Variants in CNTNAP2 observed in about 807,000 individuals in gnomAD.
CNTNAP2 encodes the protein contactin-associated protein-like 2.
CNTNAP2 carries 98 observed loss-of-function variants against 155.2 expected under a neutral mutation model. The ratio of observed to expected loss-of-function variants is 0.63; its 90% confidence interval spans 0.54 to 0.75. The LOEUF (loss-of-function observed/expected upper bound fraction) is 0.75, where lower values mean the gene tolerates loss of function less well. Ranked by LOEUF, CNTNAP2 falls within the 30% of genes least tolerant of loss-of-function variation. The pLI is 0.00. For missense variants in CNTNAP2, 1,727 were observed against 1,688.1 expected (o/e 1.02, Z -0.40); for synonymous variants, 651 against 631.2 (o/e 1.03, Z -0.47).
At chr7:146,373,399 A>AACATATACACAC (rs1449483896) in intron 1 of CNTNAP2, among the ~76,000 whole-genome samples, 2 of 131,092 alleles carry the variant, frequency 1.5e-5, no homozygotes, top group African/African-American at 8.7e-5. Context: ...AAAGGAACTT[A>AACATATACACAC]ACACATACAC....
At chr7:147,118,465 G>C (rs1496553) in intron 5 of CNTNAP2, among the ~76,000 whole-genome samples, 36 of 152,274 alleles carry the variant, frequency 2.4e-4, no homozygotes, top group Admixed American at 6.5e-4. Context: ...ATAATATTAA[G>C]TAAAACTTGT....
rs542055310 is a variant in CNTNAP2 at position 148,065,860 on chromosome 7, G to A, written c.2384-52258G>A. ...CCTGAATACCTTGTTTTTTGTCACC[G>A]TGTTATTGTATTGTATGCCCTGTGA... On this transcript the variant is annotated intron_variant, in intron 15 of 23. Coordinates refer to ENST00000361727, the MANE Select transcript of CNTNAP2 (RefSeq NM_014141.6). Among the ~76,000 whole-genome samples the A allele has an allele frequency of 3.9e-5, 6 of 152,182 alleles. No homozygotes were observed. In the East Asian group the frequency reaches 5.8e-4, roughly 15 times the overall value.
intron 9 of CNTNAP2, among the ~76,000 whole-genome samples, chr7:147,320,964 C>T (rs1314255417): frequency 6.6e-6 from 1 of 152,170 alleles, no homozygotes; most frequent in Non-Finnish European, 1.5e-5. Flanking sequence ...CTTATGGTTT[C>T]CTTGGCAATG....
At chr7:148,212,699 G>A (rs1355837095) in intron 18 of CNTNAP2, among the ~76,000 whole-genome samples, 1 of 152,134 alleles carries the variant, frequency 6.6e-6, no homozygotes, top group Non-Finnish European at 1.5e-5. Context: ...CAGAAGAGAT[G>A]AGAGAATTGC....
At chr7:146,612,239 A>T (rs1799150727) in intron 1 of CNTNAP2, among the ~76,000 whole-genome samples, 1 of 151,606 alleles carries the variant, frequency 6.6e-6, no homozygotes, top group Non-Finnish European at 1.5e-5. Context: ...TATATTAGTA[A>T]TGTAAAATAG....
intron 1 of CNTNAP2, among the ~76,000 whole-genome samples, chr7:146,399,962 C>T (rs997479623): frequency 3.3e-5 from 5 of 152,074 alleles, no homozygotes; most frequent in Admixed American, 2.6e-4. Flanking sequence ...AATTATAACA[C>T]TTATGGTGTC....
intron 1 of CNTNAP2, among the ~76,000 whole-genome samples, chr7:146,749,317 C>T (rs1361860829): frequency 2.6e-5 from 4 of 152,114 alleles, no homozygotes; most frequent in Admixed American, 2.6e-4. Context: ...ATTACCTACA[C>T]TTTGCTAGTG....
intron 3 of CNTNAP2, among the ~76,000 whole-genome samples, chr7:146,944,706 A>G (rs919907663): frequency 1.2e-4 from 18 of 152,112 alleles, no homozygotes; most frequent in Non-Finnish European, 2.1e-4. Flanking sequence ...GTGAAACCCC[A>G]TCTCTACTAA....
In CNTNAP2 at chr7:147,852,019, C is replaced by G. The variant is rs143834093; in HGVS notation, c.2099-51546C>G. 6.3e-4 allele frequency among the ~76,000 whole-genome samples: 96 copies of G among 152,198 alleles called. No individual in the cohort carries two copies. The East Asian group carries it at 0.018, about 28-fold the overall frequency. On this transcript the variant is annotated intron_variant, in intron 13 of 23. Transcript: ENST00000361727. ...GTAGCTAGTATAAGAACTACTTATCCTGGGTCCCAAAATATAGTTGCTTGA... is the reference window on the plus strand; with the variant it reads ...GTAGCTAGTATAAGAACTACTTATCGTGGGTCCCAAAATATAGTTGCTTGA...
chr7:147,972,184 C>T (rs761485130), intron 14 of CNTNAP2, among the ~76,000 whole-genome samples: 7 of 152,150 alleles, frequency 4.6e-5, no homozygotes, highest in Admixed American at 1.3e-4. Context: ...ATAACTTTGA[C>T]TTCCTGAATT....
At chr7:148,140,946 C>A (rs565427066) in intron 16 of CNTNAP2, among the ~76,000 whole-genome samples, 1 of 152,306 alleles carries the variant, frequency 6.6e-6, no homozygotes, top group East Asian at 1.9e-4. Context: ...CTGTTGAGGA[C>A]AAGAAAGCAA....
At chr7:148,080,062 C>T (rs1803564989) in intron 15 of CNTNAP2, among the ~76,000 whole-genome samples, 1 of 152,182 alleles carries the variant, frequency 6.6e-6, no homozygotes, top group Admixed American at 6.5e-5. Context: ...TGAGAGTCAG[C>T]CATCACTGCA....
chr7:146,147,861 A>T (rs952996255), intron 1 of CNTNAP2, among the ~76,000 whole-genome samples: 5 of 152,118 alleles, frequency 3.3e-5, no homozygotes, highest in Non-Finnish European at 7.4e-5. Flanking sequence ...CTGCTAATTT[A>T]TTGTTGATTT....
chr7:146,480,906 T>A (rs1324221819), intron 1 of CNTNAP2, among the ~76,000 whole-genome samples: 2 of 151,448 alleles, frequency 1.3e-5, no homozygotes, highest in East Asian at 1.9e-4. Context: ...ATGGTCTCGA[T>A]CCTGACCTCG....
intron 1 of CNTNAP2, among the ~76,000 whole-genome samples, chr7:146,361,250 A>C (rs1199553906): frequency 1.3e-5 from 2 of 152,150 alleles, no homozygotes; most frequent in Non-Finnish European, 2.9e-5. Flanking sequence ...TTGGAAATAC[A>C]ATCTTCTCAG....
At chr7:146,220,476 G>C (rs1444314287) in intron 1 of CNTNAP2, among the ~76,000 whole-genome samples, 4 of 152,126 alleles carry the variant, frequency 2.6e-5, no homozygotes, top group Non-Finnish European at 4.4e-5. Flanking sequence ...CTTCTTAACT[G>C]TTCAGGCTTT....
intron 3 of CNTNAP2, among the ~76,000 whole-genome samples, chr7:147,011,460 G>A (rs2215338): frequency 0.36 from 49,965 of 139,350 alleles, 9,999 homozygotes; most frequent in South Asian, 0.42. Flanking sequence ...AAGGTTGTGA[G>A]GGTAACAGAA....
intron 1 of CNTNAP2, among the ~76,000 whole-genome samples, chr7:146,511,120 G>C (rs576796023): frequency 2.0e-5 from 3 of 152,070 alleles, no homozygotes; most frequent in African/African-American, 7.2e-5. Flanking sequence ...GGAAGGTCTT[G>C]ATCTCCTGAC....
In CNTNAP2 at chr7:147,180,657, C is replaced by T. The variant is rs566973121; in HGVS notation, c.1348+48148C>T. Among the ~76,000 whole-genome samples, 101 of 152,042 alleles carry T rather than the reference C, an allele frequency of 6.6e-4. 1 individual carries two copies. The highest frequency in any genetic ancestry group is 8.2e-4 in the Non-Finnish European group (56 of 67,962). On this transcript the variant is annotated intron_variant, in intron 8 of 23. Transcript: ENST00000361727. The stretch of plus-strand genomic sequence containing the variant: ...CATTAAAAAAATGCATAGTAAATGC[C>T]ATTGTATATATTAATAATTTCATTT...
Sources: allele counts gnomAD v4.1 joint callset (sites outside exome capture counted in the v4.1 genomes callset), GRCh38; gene constraint gnomAD v4.1.1; transcripts MANE v1.5; gene names NCBI Gene and HGNC (gene_info 2026-07-23, HGNC 2026-07-21).